The following PDE1A variants were observed in gnomAD, a reference collection of about 807,000 sequenced individuals.
The protein encoded by PDE1A is dual specificity calcium/calmodulin-dependent 3',5'-cyclic nucleotide phosphodiesterase 1A.
A neutral mutation model predicts 61.7 loss-of-function variants in PDE1A; 35 were observed. The ratio of observed to expected loss-of-function variants is 0.57; its 90% CI spans 0.43 to 0.75. The LOEUF (loss-of-function observed/expected upper bound fraction) is 0.75. Among genes scored for constraint, PDE1A ranks in the 30% least tolerant of loss-of-function variants. The pLI is 0.00. For missense variants in PDE1A, 597 were observed against 630.6 expected, an observed-to-expected ratio of 0.95 and a Z score of 0.57; for synonymous variants, 232 against 213.2, an observed-to-expected ratio of 1.09 and a Z score of -0.77.
At chr2:182,280,614 T>C (rs997150316) in intron 1 of PDE1A, among the ~76,000 whole-genome samples, 1 of 152,008 alleles carries the variant, frequency 6.6e-6, no homozygotes, top group Non-Finnish European at 1.5e-5. Context: ...GGGAGTCCTA[T>C]GCCTAGTGAC....
chr2:182,362,157 T>A (rs907867794), intron 1 of PDE1A, among the ~76,000 whole-genome samples: 1 of 151,996 alleles, frequency 6.6e-6, no homozygotes, highest in Admixed American at 6.6e-5. Flanking sequence ...CATAATAATA[T>A]GAAAAGTATT....
chr2:182,434,501 T>C (rs1437001394), intron 2 of PDE1A, among the ~76,000 whole-genome samples: 1 of 152,082 alleles, frequency 6.6e-6, no homozygotes, highest in Non-Finnish European at 1.5e-5. Context: ...CATCTTCAGA[T>C]AGGCAGAAGG....
chr2:182,455,958 ATG>A (rs1574702956), intron 2 of PDE1A, among the ~76,000 whole-genome samples: 1 of 151,982 alleles, frequency 6.6e-6, no homozygotes, highest in Non-Finnish European at 1.5e-5. Flanking sequence ...GCTAACAAAT[ATG>A]TGTGTGCTGA....
chr2:182,506,614 G>T lies in PDE1A; in HGVS notation c.101+15662C>A, dbSNP rs192005030. Among the ~76,000 whole-genome samples the T allele has an allele frequency of 1.3e-4, 20 of 152,210 alleles. No individual in the cohort carries two copies. The East Asian group carries it at 3.3e-3, about 25-fold the overall frequency. On this transcript the variant is annotated intron_variant, in intron 2 of 14. Transcript: ENST00000410103. ...GTAAAAATTGAAGTCACTATTTCCTGCCCCCCTCTTAAATCTGGAAAGATA... is the reference window on the plus strand; with the variant it reads ...GTAAAAATTGAAGTCACTATTTCCTTCCCCCCTCTTAAATCTGGAAAGATA...
the PDE1A span, among the ~76,000 whole-genome samples, chr2:182,561,036 G>T: frequency 6.9e-6 from 1 of 145,868 alleles, no homozygotes; most frequent in Non-Finnish European, 1.5e-5. Context: ...AGTTTCTTTT[G>T]CTGTGCAGAA....
the PDE1A span, among the ~76,000 whole-genome samples, chr2:182,674,156 ACTGAACTTAAAT>A: frequency 1.3e-5 from 2 of 151,988 alleles, no homozygotes; most frequent in African/African-American, 4.8e-5. Flanking sequence ...ATAGCCAGGA[ACTGAACTTAAAT>A]CTGGCACCAA....
downstream of PDE1A, among the ~76,000 whole-genome samples, chr2:182,164,476 T>C (rs1429092658): frequency 1.3e-5 from 2 of 152,282 alleles, no homozygotes; most frequent in Non-Finnish European, 2.9e-5. Flanking sequence ...GTGTTCCATA[T>C]GAATACTCAC....
intron 1 of PDE1A, among the ~76,000 whole-genome samples, chr2:182,420,600 T>C (rs1389743868): frequency 2.0e-5 from 3 of 152,192 alleles, no homozygotes; most frequent in Admixed American, 6.5e-5. Flanking sequence ...TTAATACATA[T>C]ACAATTAATA....
intron 13 of PDE1A, among the ~76,000 whole-genome samples, chr2:182,170,943 A>C (rs1692154015): frequency 6.6e-6 from 1 of 152,010 alleles, no homozygotes; most frequent in South Asian, 2.1e-4. Context: ...TACTATGTTA[A>C]TCATAAGGCA....
chr2:182,372,214 A>C (rs1163913470), intron 1 of PDE1A, among the ~76,000 whole-genome samples: 1 of 152,238 alleles, frequency 6.6e-6, no homozygotes, highest in African/African-American at 2.4e-5. Context: ...TTATTTATAT[A>C]ACTCTTGTAT....
intron 13 of PDE1A, among the ~76,000 whole-genome samples, chr2:182,154,822 G>A (rs924127866): frequency 2.0e-5 from 3 of 151,890 alleles, no homozygotes; most frequent in African/African-American, 7.3e-5. Flanking sequence ...TAAATTTTCT[G>A]GTTTGTTACC....
the PDE1A span, among the ~76,000 whole-genome samples, chr2:182,642,005 G>A: frequency 6.6e-5 from 10 of 152,188 alleles, no homozygotes; most frequent in Admixed American, 5.9e-4. Flanking sequence ...CTAACCAATT[G>A]CATTTAATCA....
intron 1 of PDE1A, among the ~76,000 whole-genome samples, chr2:182,331,846 T>C (rs1238292519): frequency 1.3e-5 from 2 of 152,166 alleles, no homozygotes; most frequent in East Asian, 3.9e-4. Context: ...TCTTCTCAAG[T>C]AGTATGTTTG....
chr2:182,234,297 G>T, intron 4 of PDE1A, 135 bp downstream of exon 4: 1 of 610,404 alleles, frequency 1.6e-6, no homozygotes. Flanking sequence ...TTTTTAAATT[G>T]TTAGGATATG....
chr2:182,462,179 A>C (rs369149280), intron 2 of PDE1A, among the ~76,000 whole-genome samples: 6 of 151,988 alleles, frequency 3.9e-5, no homozygotes, highest in African/African-American at 1.4e-4. Context: ...CGGGGAGGGA[A>C]AGCATTAGGA....
At chr2:182,641,380 G>A in the PDE1A span, among the ~76,000 whole-genome samples, 2 of 151,978 alleles carry the variant, frequency 1.3e-5, no homozygotes, top group African/African-American at 2.4e-5. Context: ...TTTTTTACCT[G>A]TTGTCATAGT....
intron 2 of PDE1A, among the ~76,000 whole-genome samples, chr2:182,501,778 T>C (rs1394794650): frequency 1.3e-5 from 2 of 152,156 alleles, no homozygotes; most frequent in African/African-American, 4.8e-5. Flanking sequence ...TGTCCTCATT[T>C]CTCTCCCTAC....
chr2:182,398,931 A>C (rs1301821489), intron 1 of PDE1A, among the ~76,000 whole-genome samples: 2 of 152,028 alleles, frequency 1.3e-5, no homozygotes, highest in African/African-American at 4.8e-5. Flanking sequence ...TTACCTATGT[A>C]GTTCTTGGTA....
At chr2:182,672,017 C>A in the PDE1A span, among the ~76,000 whole-genome samples, 5 of 152,138 alleles carry the variant, frequency 3.3e-5, no homozygotes, top group African/African-American at 9.7e-5. Context: ...CTAAACCTCT[C>A]CTCTAAATTG....
Sources: allele counts gnomAD v4.1 joint callset (sites outside exome capture counted in the v4.1 genomes callset), GRCh38; gene constraint gnomAD v4.1.1; transcripts MANE v1.5; gene names NCBI Gene and HGNC (gene_info 2026-07-23, HGNC 2026-07-21).